The following DGLUCY variants were observed in gnomAD, a reference collection of about 807,000 sequenced individuals.
The protein encoded by DGLUCY is D-glutamate cyclase, also known as D-glutamate cyclase, mitochondrial.
Under a neutral mutation model 58.5 loss-of-function variants are expected in DGLUCY, and 58 were observed. The observed-to-expected ratio is 0.99, with a 90% CI of 0.80 to 1.23. The LOEUF (loss-of-function observed/expected upper bound fraction) is 1.23, where lower values mean the gene tolerates loss of function less well. Among genes scored for constraint, DGLUCY ranks in the 50% most tolerant of loss-of-function variants. DGLUCY has a pLI of 0.00. For synonymous variants in DGLUCY, 325 were observed against 314.1 expected, an observed-to-expected ratio of 1.03 and a Z score of -0.37; for missense variants, 779 against 784.7, an observed-to-expected ratio of 0.99 and a Z score of 0.09.
rs1449105357 is a variant in DGLUCY at position 91,224,953 on chromosome 14, A to G, written c.*120A>G. On this transcript the variant is annotated 3_prime_UTR_variant, in exon 14 of 14. Coordinates refer to ENST00000256324, the MANE Select transcript of DGLUCY (RefSeq NM_001102368.3). ...CACTGGTCTTCGGTGAGCAACGAAC[A>G]CTCGCCTGGCCTGGGAAACTGCATG... 1 of 1,202,276 alleles carries G rather than the reference A, an allele frequency of 8.3e-7. No homozygotes were observed. The highest frequency in any genetic ancestry group is 1.1e-6 in the Non-Finnish European group (1 of 897,700). 74.5% of individuals were successfully genotyped at this position (1,202,276 alleles called of 1,614,324 possible). A position where few individuals can be genotyped will look rare whatever the true frequency, so the allele number is the denominator to read the frequency against.
At chr14:91,213,141 A>G (rs1485638241) in intron 12 of DGLUCY, among the ~76,000 whole-genome samples, 1 of 152,062 alleles carries the variant, frequency 6.6e-6, no homozygotes, top group Non-Finnish European at 1.5e-5. Flanking sequence ...GTCTTTATTA[A>G]AAAATGAAAA....
intron 6 of DGLUCY, chr14:91,173,789 A>G (rs8004276): frequency 0.083 from 15,275 of 184,776 alleles, 2,061 homozygotes; most frequent in African/African-American, 0.31. Context: ...TCTCACTGTG[A>G]TGTAAGTTTA....
intron 1 of DGLUCY, among the ~76,000 whole-genome samples, chr14:91,128,039 C>T (rs946452591): frequency 6.6e-6 from 1 of 151,692 alleles, no homozygotes; most frequent in East Asian, 1.9e-4. Context: ...AGGTGTTGCT[C>T]ACCCCGAGTC....
At chr14:91,120,740 G>A (rs926522451) in intron 1 of DGLUCY, among the ~76,000 whole-genome samples, 2 of 151,992 alleles carry the variant, frequency 1.3e-5, no homozygotes, top group Admixed American at 6.6e-5. Flanking sequence ...CCTTTCTTTC[G>A]TTGCACCTTT....
intron 12 of DGLUCY, among the ~76,000 whole-genome samples, chr14:91,212,468 T>C (rs12886872): frequency 0.46 from 69,696 of 152,166 alleles, 18,157 homozygotes; most frequent in East Asian, 0.69. Flanking sequence ...GGAGCTACTC[T>C]ATGTAAGGCA....
At chr14:91,080,861 A>G (rs1256142606) in intron 1 of DGLUCY, among the ~76,000 whole-genome samples, 3 of 152,206 alleles carry the variant, frequency 2.0e-5, no homozygotes, top group Non-Finnish European at 4.4e-5. Context: ...GTCCTTTGAG[A>G]AAAAGCAAGG....
intron 6 of DGLUCY, 130 bp downstream of exon 6, chr14:91,173,569 A>G (rs1023517717): frequency 4.7e-6 from 6 of 1,274,252 alleles, no homozygotes; most frequent in African/African-American, 4.6e-5. Flanking sequence ...GCTCCTGCCC[A>G]TGATCCTGAC....
intron 9 of DGLUCY, among the ~76,000 whole-genome samples, chr14:91,189,975 GTTCT>G (rs1566994636): frequency 1.6e-5 from 2 of 128,740 alleles, no homozygotes; most frequent in African/African-American, 6.1e-5. Flanking sequence ...ACTCTGTTAG[GTTCT>G]TTTTTTTTTT....
intron 1 of DGLUCY, among the ~76,000 whole-genome samples, chr14:91,077,706 C>G (rs944221930): frequency 2.7e-5 from 4 of 148,194 alleles, no homozygotes; most frequent in Non-Finnish European, 4.5e-5. Context: ...GAGCCAAGAT[C>G]TTGCCGCTGC....
upstream of DGLUCY, among the ~76,000 whole-genome samples, chr14:91,104,075 T>C (rs11849110): frequency 7.1e-5 from 6 of 84,946 alleles, no homozygotes; most frequent in South Asian, 3.5e-4. Flanking sequence ...TTTTTTTTTT[T>C]TTTTTGAGAC....
intron 8 of DGLUCY, among the ~76,000 whole-genome samples, chr14:91,185,775 G>A (rs74367001): frequency 0.014 from 2,071 of 151,564 alleles, 49 homozygotes; most frequent in African/African-American, 0.048. Context: ...AATAAAACAA[G>A]CTAAGAGGTC....
intron 1 of DGLUCY, chr14:91,060,727 C>A (rs1040906172): frequency 1.0e-5 from 3 of 287,648 alleles, no homozygotes; most frequent in African/African-American, 2.2e-5. Flanking sequence ...TTCGAGCCGC[C>A]TTCGCTGATT....
rs59220451 is a variant in DGLUCY at position 91,077,770 on chromosome 14, G to GAA, written c.-82+17067_-82+17068insAA. On this transcript the variant is annotated intron_variant, in intron 1 of 4. Transcript: ENST00000521334. ...TGTCTCAAAAAAAAAAAAAGAGAGAGAGAAAGAGAGGAAGGGAAGGAGGAA... is the reference window on the plus strand; with the variant it reads ...TGTCTCAAAAAAAAAAAAAGAGAGAGAAAGAAAGAGAGGAAGGGAAGGAGGAA... Among the ~76,000 whole-genome samples, 335 of 144,430 alleles carry GAA rather than the reference G, an allele frequency of 2.3e-3. 1 individual carries two copies. The highest frequency in any genetic ancestry group is 7.5e-3 in the African/African-American group (291 of 38,832). The allele number at this position is 144,430 out of a possible 152,430, so 94.8% of individuals were successfully genotyped here. A position where few individuals can be genotyped will look rare whatever the true frequency, so the allele number is the denominator to read the frequency against.
At chr14:91,131,606 C>G (rs1191276354) in intron 1 of DGLUCY, among the ~76,000 whole-genome samples, 4 of 151,944 alleles carry the variant, frequency 2.6e-5, no homozygotes, top group Admixed American at 2.6e-4. Context: ...CCTATGCTAT[C>G]CCTCCCCTCT....
intron 1 of DGLUCY, among the ~76,000 whole-genome samples, chr14:91,118,286 G>A (rs981668198): frequency 6.6e-5 from 10 of 151,706 alleles, no homozygotes; most frequent in African/African-American, 2.4e-4. Flanking sequence ...TAGAGCCAGG[G>A]TTTCACCATG....
intron 3 of DGLUCY, among the ~76,000 whole-genome samples, chr14:91,161,737 G>A (rs2047999252): frequency 6.6e-6 from 1 of 151,898 alleles, no homozygotes; most frequent in African/African-American, 2.4e-5. Flanking sequence ...ATAGGGAAGG[G>A]GCTACAATGG....
intron 8 of DGLUCY, among the ~76,000 whole-genome samples, chr14:91,186,405 C>T (rs2049524751): frequency 6.6e-6 from 1 of 151,922 alleles, no homozygotes; most frequent in African/African-American, 2.4e-5. Context: ...CACCACCATG[C>T]CCGGCTAATT....
At chr14:91,220,183 C>T (rs780234668) in intron 13 of DGLUCY, among the ~76,000 whole-genome samples, 28 of 152,218 alleles carry the variant, frequency 1.8e-4, no homozygotes, top group Admixed American at 9.2e-4. Flanking sequence ...AGGCCCTGGC[C>T]GGCTGCCTGG....
chr14:91,073,648 ATCTGG>A (rs2140032836), intron 1 of DGLUCY, among the ~76,000 whole-genome samples: 1 of 152,252 alleles, frequency 6.6e-6, no homozygotes, highest in Non-Finnish European at 1.5e-5. Context: ...CAAAAGGGTT[ATCTGG>A]TTGCTGGCTT....
Sources: allele counts gnomAD v4.1 joint callset (sites outside exome capture counted in the v4.1 genomes callset), GRCh38; gene constraint gnomAD v4.1.1; transcripts MANE v1.5; gene names NCBI Gene and HGNC (gene_info 2026-07-23, HGNC 2026-07-21).